RCHY1: variants seen among roughly 807,000 people sequenced by gnomAD.
RCHY1 encodes the protein RING finger and CHY zinc finger domain-containing protein 1.
A neutral mutation model predicts 41.6 loss-of-function variants in RCHY1; 21 were observed. The observed-to-expected ratio is 0.51, with a 90% CI of 0.36 to 0.73. RCHY1 has a LOEUF of 0.73. Ranked by LOEUF, RCHY1 falls within the 30% of genes least tolerant of loss-of-function variation. The probability of loss-of-function intolerance (pLI) is 0.00; values close to 1 mark genes in which losing one functional copy is unlikely to be tolerated. For missense variants in RCHY1, 265 were observed against 325.3 expected, an observed-to-expected ratio of 0.81 and a Z score of 1.43; for synonymous variants, 79 against 102.9, an observed-to-expected ratio of 0.77 and a Z score of 1.41.
intron 1 of RCHY1, among the ~76,000 whole-genome samples, chr4:75,511,625 A>G (rs2148781244): frequency 6.6e-6 from 1 of 152,298 alleles, no homozygotes; most frequent in East Asian, 1.9e-4. Flanking sequence ...ATTAAAAGAT[A>G]TATTCAAGGG....
At position 75,482,307 on chromosome 4, in the gene RCHY1, G is replaced by A; in HGVS notation, c.*231C>T. 3.3e-6 allele frequency: 1 copy of A among 300,440 alleles called. No individual in the cohort carries two copies. The highest frequency in any genetic ancestry group is 6.0e-6 in the Non-Finnish European group (1 of 165,720). The allele number at this position is 300,440 out of a possible 1,614,324, so 18.6% of individuals were successfully genotyped here. On this transcript the variant is annotated 3_prime_UTR_variant, in exon 9 of 9. Coordinates refer to ENST00000324439, the MANE Select transcript of RCHY1 (RefSeq NM_015436.4). The stretch of plus-strand genomic sequence containing the variant: ...TGGCTTCCAAAAAACTGACACTAAA[G>A]GAATTTCCAATCAAAACACAAGCAC...
intron 3 of RCHY1, among the ~76,000 whole-genome samples, chr4:75,498,497 A>C (rs2148746194): frequency 6.6e-6 from 1 of 151,856 alleles, no homozygotes; most frequent in Admixed American, 6.6e-5. Context: ...AAAAAAAAAA[A>C]AACATAACTG....
chr4:75,493,953 T>A (rs1722962126), intron 4 of RCHY1, 148 bp downstream of exon 4: 1 of 556,480 alleles, frequency 1.8e-6, no homozygotes, highest in Non-Finnish European at 3.2e-6. Flanking sequence ...TTTTAAAATA[T>A]CTACTTGTTA....
At chr4:75,508,428 T>C (rs1724542196) in intron 3 of RCHY1, among the ~76,000 whole-genome samples, 1 of 152,134 alleles carries the variant, frequency 6.6e-6, no homozygotes, top group Admixed American at 6.5e-5. Flanking sequence ...CCAATTTTTA[T>C]AAAATCACCT....
At chr4:75,502,358 G>C (rs369627358) in intron 3 of RCHY1, among the ~76,000 whole-genome samples, 2 of 152,054 alleles carry the variant, frequency 1.3e-5, no homozygotes, top group East Asian at 3.9e-4. Context: ...GGCTAACACG[G>C]TGAAACCCCG....
intron 3 of RCHY1, among the ~76,000 whole-genome samples, chr4:75,495,648 A>T (rs1003986407): frequency 6.6e-6 from 1 of 152,016 alleles, no homozygotes; most frequent in Non-Finnish European, 1.5e-5. Flanking sequence ...AAGGCAAAAA[A>T]CAAGAAGAGC....
intron 8 of RCHY1, among the ~76,000 whole-genome samples, chr4:75,490,225 T>C (rs1036020802): frequency 2.6e-5 from 4 of 151,998 alleles, no homozygotes; most frequent in South Asian, 2.1e-4. Flanking sequence ...TGAAATAAAA[T>C]GTAAAATAAT....
chr4:75,509,030 T>C (rs1489684619), intron 2 of RCHY1, 95 bp from the exon 3 acceptor site: 13 of 1,153,908 alleles, frequency 1.1e-5, no homozygotes, highest in Non-Finnish European at 1.5e-5. Context: ...ATGCAGTTTA[T>C]TTTTATAAGT....
At chr4:75,507,645 A>G (rs561572444) in intron 3 of RCHY1, among the ~76,000 whole-genome samples, 1 of 152,254 alleles carries the variant, frequency 6.6e-6, no homozygotes, top group South Asian at 2.1e-4. Context: ...CTAAATGGAA[A>G]AGGATATACA....
At chr4:75,486,570 T>A (rs551847464) in intron 8 of RCHY1, among the ~76,000 whole-genome samples, 3 of 152,228 alleles carry the variant, frequency 2.0e-5, no homozygotes, top group African/African-American at 7.2e-5. Flanking sequence ...GGGTTTTCAC[T>A]GGAAATTAGG....
rs756129340 is a variant in RCHY1, at chr4:75,514,297, T to C, written c.-11A>G. On this transcript the variant is annotated 5_prime_UTR_variant, in exon 1 of 9. Coordinates refer to ENST00000324439, the MANE Select transcript of RCHY1 (RefSeq NM_015436.4). ...GGCCGTCGCCGCCATCTCCTCCACC[T>C]CCCCTCACATTCCACCGATCCTTCC... 8 of 1,607,492 alleles carry C rather than the reference T, an allele frequency of 5.0e-6. No homozygotes were observed. The South Asian group carries it at 8.8e-5, about 18-fold the overall frequency.
chr4:75,480,884 A>T lies in RCHY1; in HGVS notation c.*1654T>A, dbSNP rs1214208144. ...CACACACCTGTAGTCCCAGCTACTC[A>T]GGAGGCTGAGGTGGAAGGATCAGTT... On this transcript the variant is annotated 3_prime_UTR_variant, in exon 9 of 9. Transcript: ENST00000324439. 1 of 152,364 alleles carries T rather than the reference A, an allele frequency of 6.6e-6. No homozygotes were observed. The highest frequency in any genetic ancestry group is 2.4e-5 in the African/African-American group (1 of 41,454). The allele number at this position is 152,364 out of a possible 1,614,324, so 9.4% of individuals were successfully genotyped here. A position where few individuals can be genotyped will look rare whatever the true frequency, so the allele number is the denominator to read the frequency against.
Position 75,487,644 on chromosome 4 carries a change from T to TA in RCHY1, c.657+2936dup, listed in dbSNP as rs562804202. ...TATATATTCATAATATATATATTCA[T>TA]ATATATTCATAATATATATATTCAT... On this transcript the variant is annotated intron_variant, in intron 8 of 8. Transcript: ENST00000324439. 5.9e-4 allele frequency among the ~76,000 whole-genome samples: 30 copies of TA among 50,506 alleles called. 2 individuals carry two copies. The highest frequency in any genetic ancestry group is 2.1e-3 in the South Asian group (4 of 1,948). The allele number at this position is 50,506 out of a possible 152,430, so 33.1% of individuals were successfully genotyped here.
At chr4:75,485,597 T>C (rs1229970484) in intron 8 of RCHY1, among the ~76,000 whole-genome samples, 1 of 152,208 alleles carries the variant, frequency 6.6e-6, no homozygotes, top group Non-Finnish European at 1.5e-5. Context: ...ACGTCTAAAG[T>C]CTTAGCTGTG....
At chr4:75,497,247 G>A (rs1235745270) in intron 3 of RCHY1, among the ~76,000 whole-genome samples, 1 of 152,132 alleles carries the variant, frequency 6.6e-6, no homozygotes, top group Non-Finnish European at 1.5e-5. Context: ...TGAGCCTAAC[G>A]CTGCCTCCTA....
chr4:75,498,881 A>G (rs949306244), intron 3 of RCHY1, among the ~76,000 whole-genome samples: 1 of 152,152 alleles, frequency 6.6e-6, no homozygotes, highest in Non-Finnish European at 1.5e-5. Flanking sequence ...TGATCTTGGC[A>G]AAGATTTTTT....
chr4:75,494,354 A>C, intron 3 of RCHY1, 175 bp from the exon 4 acceptor site: 2 of 560,112 alleles, frequency 3.6e-6, no homozygotes, highest in Non-Finnish European at 6.3e-6. Context: ...CACTATACAC[A>C]GAGTGGTATC....
intron 3 of RCHY1, among the ~76,000 whole-genome samples, chr4:75,496,423 G>C (rs903457348): frequency 2.0e-5 from 3 of 152,046 alleles, no homozygotes; most frequent in Non-Finnish European, 2.9e-5. Context: ...CATCAGATAG[G>C]AGAGAGCTGC....
intron 3 of RCHY1, among the ~76,000 whole-genome samples, chr4:75,501,099 C>A (rs1406193640): frequency 1.3e-5 from 2 of 152,096 alleles, no homozygotes; most frequent in Non-Finnish European, 2.9e-5. Context: ...AACCTCCCGC[C>A]CACGGGTTCA....
Sources: allele counts gnomAD v4.1 joint callset (sites outside exome capture counted in the v4.1 genomes callset), GRCh38; gene constraint gnomAD v4.1.1; transcripts MANE v1.5; gene names NCBI Gene and HGNC (gene_info 2026-07-23, HGNC 2026-07-21).